The following FLYWCH2 variants were observed in gnomAD, a reference collection of about 807,000 sequenced individuals.
FLYWCH2 encodes FLYWCH family member 2.
A neutral mutation model predicts 6.0 loss-of-function variants in FLYWCH2; 2 were observed. The ratio of observed to expected loss-of-function variants is 0.33; its 90% CI spans 0.14 to 1.04. The LOEUF (loss-of-function observed/expected upper bound fraction) is 1.04. Among genes scored for constraint, FLYWCH2 ranks in the 50% least tolerant of loss-of-function variants. The pLI, the probability that FLYWCH2 is intolerant of heterozygous loss-of-function variation, is 0.45. For synonymous variants in FLYWCH2, 87 were observed against 79.3 expected, an observed-to-expected ratio of 1.10 and a Z score of -0.52; for missense variants, 192 against 183.4, an observed-to-expected ratio of 1.05 and a Z score of -0.27.
rs376057525 is a variant in FLYWCH2, at chr16:2,883,942, G to C, written c.-200+576G>C. 1.9e-3 allele frequency among the ~76,000 whole-genome samples: 288 copies of C among 152,358 alleles called. 1 individual carries two copies. Among genetic ancestry groups the C allele is most frequent in the Middle Eastern group, 6.8e-3 (2 of 294 alleles). On this transcript the variant is annotated intron_variant, in intron 1 of 3. Transcript: ENST00000396958. Reference sequence around the variant, plus strand: ...TGGCTGAAATTGCCATGGTGGGGAAGCTCCGCGCTGCACACCTTAGAGTAG... The same window carrying C: ...TGGCTGAAATTGCCATGGTGGGGAACCTCCGCGCTGCACACCTTAGAGTAG...
chr16:2,893,935 GC>G, intron 1 of FLYWCH2, among the ~76,000 whole-genome samples: 1 of 152,162 alleles, frequency 6.6e-6, no homozygotes, highest in Non-Finnish European at 1.5e-5. Flanking sequence ...ACCGCGCCCG[GC>G]CCCTTTGGGG....
intron 1 of FLYWCH2, among the ~76,000 whole-genome samples, chr16:2,887,998 TTTTG>T (rs3066091): frequency 0.27 from 40,716 of 151,148 alleles, 5,547 homozygotes; most frequent in Admixed American, 0.3. Flanking sequence ...TGTGTCTGTG[TTTTG>T]TTTGTTTGTT....
At chr16:2,884,371 A>G (rs913784412) in intron 1 of FLYWCH2, among the ~76,000 whole-genome samples, 3 of 151,994 alleles carry the variant, frequency 2.0e-5, no homozygotes, top group African/African-American at 7.2e-5. Context: ...GAACATCGTC[A>G]GTGAGGGATT....
intron 3 of FLYWCH2, chr16:2,898,843 A>T (rs2069851204): frequency 2.2e-6 from 1 of 457,186 alleles, no homozygotes; most frequent in East Asian, 3.6e-5. Context: ...TTTCCTGGAA[A>T]TGACTTTAGC....
intron 1 of FLYWCH2, among the ~76,000 whole-genome samples, chr16:2,893,978 G>C (rs921516842): frequency 2.6e-5 from 4 of 152,164 alleles, no homozygotes; most frequent in African/African-American, 9.7e-5. Context: ...TGGCCTGGCT[G>C]CAGGGCTGGG....
intron 1 of FLYWCH2, among the ~76,000 whole-genome samples, chr16:2,893,634 C>CTTT (rs35147234): frequency 3.0e-3 from 332 of 111,830 alleles, no homozygotes; most frequent in Non-Finnish European, 3.6e-3. Context: ...TTCTTTTCTT[C>CTTT]TTTTTTTTTT....
intron 3 of FLYWCH2, among the ~76,000 whole-genome samples, chr16:2,897,071 G>A (rs575243937): frequency 2.2e-3 from 336 of 152,296 alleles, no homozygotes; most frequent in African/African-American, 7.5e-3. Flanking sequence ...GGCAGCTGCC[G>A]TCAGCTTCAA....
chr16:2,898,788 C>G (rs951706513), intron 3 of FLYWCH2: 1 of 366,048 alleles, frequency 2.7e-6, no homozygotes, highest in Non-Finnish European at 4.9e-6. Context: ...CCAGCAGAGG[C>G]GATGGCTGCG....
chr16:2,898,472 G>C (rs1188445204), intron 3 of FLYWCH2, among the ~76,000 whole-genome samples: 2 of 152,184 alleles, frequency 1.3e-5, no homozygotes, highest in African/African-American at 4.8e-5. Flanking sequence ...CCACTCTGAG[G>C]CCACCAGGAG....
intron 1 of FLYWCH2, among the ~76,000 whole-genome samples, chr16:2,885,757 C>G (rs982450928): frequency 6.6e-6 from 1 of 152,126 alleles, no homozygotes; most frequent in Non-Finnish European, 1.5e-5. Context: ...TCCATCGAAA[C>G]GTTTTGGCTT....
chr16:2,885,580 T>G (rs1455340467), intron 1 of FLYWCH2, among the ~76,000 whole-genome samples: 1 of 152,226 alleles, frequency 6.6e-6, no homozygotes, highest in Non-Finnish European at 1.5e-5. Flanking sequence ...AATCATATAA[T>G]ATGTGGTCTT....
At chr16:2,894,383 T>C (rs9673303) in intron 1 of FLYWCH2, among the ~76,000 whole-genome samples, 82,942 of 151,962 alleles carry the variant, frequency 0.55, 23,281 homozygotes, top group African/African-American at 0.63. Flanking sequence ...CTGCCCGGAC[T>C]GCCCACTCAT....
At position 2,891,626 on chromosome 16, in the gene FLYWCH2, T is replaced by G. The variant is rs367791840; in HGVS notation, c.-199-3594T>G. Among the ~76,000 whole-genome samples, 57 of 152,128 alleles carry G rather than the reference T, an allele frequency of 3.7e-4. No homozygotes were observed. The Middle Eastern group carries it at 0.01, about 27-fold the overall frequency. ...TTCACCGTGTTAGCCAGGATGGTCT[T>G]GATCTCCTGACCTCGTGATCCACCC... is the stretch of plus-strand genomic sequence containing the variant. On this transcript the variant is annotated intron_variant, in intron 1 of 3. Coordinates refer to ENST00000396958, the MANE Select transcript of FLYWCH2 (RefSeq NM_138439.3).
At chr16:2,891,047 T>C (rs2069751486) in intron 1 of FLYWCH2, among the ~76,000 whole-genome samples, 1 of 152,212 alleles carries the variant, frequency 6.6e-6, no homozygotes, top group South Asian at 2.1e-4. Context: ...CTCATGGATA[T>C]TTATTTTGTT....
At position 2,895,236 on chromosome 16, in the gene FLYWCH2, TCC is replaced by T. The variant is rs1020416853; in HGVS notation, c.-182_-181del. On this transcript the variant is annotated 5_prime_UTR_variant, in exon 2 of 4. Transcript: ENST00000396958. ...CTTCTCCAGGCCAGAAGCCAAGGAG[TCC>T]TCAGTGACGGTGGGATCCACAACAT... 1 of 152,212 alleles carries T rather than the reference TCC, an allele frequency of 6.6e-6. No homozygotes were observed. Among genetic ancestry groups the T allele is most frequent in the Non-Finnish European group, 1.5e-5 (1 of 68,110 alleles). 9.4% of individuals were successfully genotyped at this position (152,212 alleles called of 1,614,324 possible). A position where few individuals can be genotyped will look rare whatever the true frequency, so the allele number is the denominator to read the frequency against.
chr16:2,885,829 T>C (rs1234907110), intron 1 of FLYWCH2, among the ~76,000 whole-genome samples: 1 of 152,222 alleles, frequency 6.6e-6, no homozygotes, highest in Non-Finnish European at 1.5e-5. Flanking sequence ...TGTTTTCCTT[T>C]CTTCCAGGCA....
chr16:2,887,300 C>T (rs2069708886), intron 1 of FLYWCH2, among the ~76,000 whole-genome samples: 1 of 144,670 alleles, frequency 6.9e-6, no homozygotes, highest in African/African-American at 2.5e-5. Flanking sequence ...TGCACACCAC[C>T]ATGCCCGGCT....
At chr16:2,884,433 G>A (rs938754903) in intron 1 of FLYWCH2, among the ~76,000 whole-genome samples, 2 of 151,740 alleles carry the variant, frequency 1.3e-5, no homozygotes, top group East Asian at 3.9e-4. Context: ...GTGGCTTAAA[G>A]CAACACAGGC....
chr16:2,897,502 G>A (rs1404840111), intron 3 of FLYWCH2, among the ~76,000 whole-genome samples: 1 of 152,170 alleles, frequency 6.6e-6, no homozygotes, highest in Admixed American at 6.5e-5. Context: ...TGGAGGCACT[G>A]AGCATCTTCA....
Sources: allele counts gnomAD v4.1 joint callset (sites outside exome capture counted in the v4.1 genomes callset), GRCh38; gene constraint gnomAD v4.1.1; transcripts MANE v1.5; gene names NCBI Gene and HGNC (gene_info 2026-07-23, HGNC 2026-07-21).